WWOX: variants seen among roughly 807,000 people sequenced by gnomAD.
The protein encoded by WWOX is WW domain-containing oxidoreductase.
In WWOX, 69 loss-of-function variants were observed where a neutral mutation model predicts 46.2. That is an observed-to-expected ratio of 1.49 (90% confidence interval 1.23 to 1.82). WWOX has a LOEUF of 1.82. Among genes scored for constraint, WWOX ranks in the 40% most tolerant of loss-of-function variants. The probability of loss-of-function intolerance (pLI) is 0.00; values close to 1 mark genes in which losing one functional copy is unlikely to be tolerated. For missense variants in WWOX, 919 were observed against 542.6 expected (o/e 1.69, Z -6.89); for synonymous variants, 359 against 202.6 (o/e 1.77, Z -6.56).
At chr16:78,865,171 G>GGTT (rs1157491854) in intron 8 of WWOX, among the ~76,000 whole-genome samples, 2 of 152,122 alleles carry the variant, frequency 1.3e-5, no homozygotes, top group Non-Finnish European at 2.9e-5. Flanking sequence ...AAGTGCTAAA[G>GGTT]GTTGTATGTT....
intron 5 of WWOX, among the ~76,000 whole-genome samples, chr16:78,186,848 C>T (rs1301544874): frequency 6.6e-6 from 1 of 152,180 alleles, no homozygotes; most frequent in Admixed American, 6.5e-5. Flanking sequence ...TAGTATTCTT[C>T]ACAAGGGTTC....
chr16:78,652,306 G>GC (rs2142146305), intron 8 of WWOX, among the ~76,000 whole-genome samples: 1 of 150,572 alleles, frequency 6.6e-6, no homozygotes, highest in Admixed American at 6.6e-5. Flanking sequence ...CTACTCGGGA[G>GC]CCTGAGGCAG....
chr16:78,536,096 T>C (rs2043752918), intron 8 of WWOX, among the ~76,000 whole-genome samples: 1 of 152,154 alleles, frequency 6.6e-6, no homozygotes, highest in South Asian at 2.1e-4. Flanking sequence ...GGGCCTTGTA[T>C]ACAGTAAGCA....
intron 8 of WWOX, among the ~76,000 whole-genome samples, chr16:78,882,430 A>G (rs1233884792): frequency 6.6e-6 from 1 of 151,496 alleles, no homozygotes. Flanking sequence ...AAATCATCCT[A>G]AGCTCCACTA....
At chr16:78,820,440 C>G (rs1244001367) in intron 8 of WWOX, among the ~76,000 whole-genome samples, 2 of 152,134 alleles carry the variant, frequency 1.3e-5, no homozygotes, top group Non-Finnish European at 2.9e-5. Context: ...TTTTCCCATC[C>G]TTAAATAAAA....
chr16:78,424,666 C>G (rs1340128786), intron 6 of WWOX, among the ~76,000 whole-genome samples: 2 of 152,154 alleles, frequency 1.3e-5, no homozygotes, highest in East Asian at 1.9e-4. Context: ...GTTGCCCACT[C>G]AAAGCCTTGT....
chr16:78,719,209 A>T (rs1567513396), intron 8 of WWOX, among the ~76,000 whole-genome samples: 1 of 152,214 alleles, frequency 6.6e-6, no homozygotes, highest in Admixed American at 6.5e-5. Context: ...AGAAACAGTC[A>T]GTGCAGGTAA....
chr16:78,462,735 A>G (rs1490559490), intron 8 of WWOX, among the ~76,000 whole-genome samples: 1 of 152,220 alleles, frequency 6.6e-6, no homozygotes, highest in African/African-American at 2.4e-5. Context: ...GGCGTATGTT[A>G]TAGTTACTGT....
Position 78,424,872 on chromosome 16 carries a change from C to T in WWOX, c.608C>T (p.Pro203Leu), listed in dbSNP as rs1405481740. 4.3e-6 allele frequency: 7 copies of T among 1,614,030 alleles called. No individual in the cohort carries two copies. The highest frequency in any genetic ancestry group is 3.3e-4 in the Middle Eastern group (2 of 6,062). Residue 203 changes from proline to leucine, a missense_variant and splice_region_variant, in exon 7 of 9, where the codon CCT becomes CTT. Physicochemically the swap from Pro to Leu is moderately conservative, Grantham distance 98 (BLOSUM62 -3). Transcript: ENST00000566780. The part of the protein sequence containing the change: ...FAEAFKAKNV[P>L]LHVLVCNAAT... Reference sequence around the variant, plus strand: ...ACATGGGATATTTTATTTTTCAGGCCTCTTCATGTGCTTGTGTGCAACGCA... The same window carrying T: ...ACATGGGATATTTTATTTTTCAGGCTTCTTCATGTGCTTGTGTGCAACGCA...
chr16:78,428,444 G>C (rs1241581903), intron 7 of WWOX, among the ~76,000 whole-genome samples: 1 of 152,316 alleles, frequency 6.6e-6, no homozygotes, highest in East Asian at 1.9e-4. Context: ...AGGAGACAGT[G>C]AGGAAGGAAA....
intron 8 of WWOX, among the ~76,000 whole-genome samples, chr16:78,954,902 G>T (rs942576174): frequency 2.6e-5 from 4 of 152,086 alleles, no homozygotes; most frequent in African/African-American, 9.7e-5. Context: ...AGATCCTCCT[G>T]CCTCAGTTTC....
intron 8 of WWOX, among the ~76,000 whole-genome samples, chr16:78,774,517 TGTGTGTGTGTGTGTGC>T (rs1212232186): frequency 2.8e-5 from 3 of 106,136 alleles, no homozygotes; most frequent in African/African-American, 5.7e-5. Context: ...TGTGTGTGTG[TGTGTGTGTGTGTGTGC>T]GCGTGCGCAC....
At chr16:78,277,116 G>T (rs1344991387) in intron 5 of WWOX, among the ~76,000 whole-genome samples, 1 of 152,156 alleles carries the variant, frequency 6.6e-6, no homozygotes, top group African/African-American at 2.4e-5. Flanking sequence ...AGGGCAAAGA[G>T]TTTGCTGTTG....
At position 78,099,680 on chromosome 16, in the gene WWOX, C is replaced by A. The variant is rs539189581; in HGVS notation, c.-99C>A. ...CAGTGCGCAGGCGTGAGCGGTCGGG[C>A]CCCGACGCGCGCGGGTCTCGTTTGG... On this transcript the variant is annotated 5_prime_UTR_variant, in exon 1 of 9. Coordinates refer to ENST00000566780, the MANE Select transcript of WWOX (RefSeq NM_016373.4). 7 of 1,420,930 alleles carry A rather than the reference C, an allele frequency of 4.9e-6. No homozygotes were observed. The highest frequency in any genetic ancestry group is 2.9e-5 in the African/African-American group (2 of 67,846). 88.0% of individuals were successfully genotyped at this position (1,420,930 alleles called of 1,614,324 possible). A position where few individuals can be genotyped will look rare whatever the true frequency, so the allele number is the denominator to read the frequency against.
chr16:78,554,345 C>A (rs939663094), intron 8 of WWOX, among the ~76,000 whole-genome samples: 1 of 152,104 alleles, frequency 6.6e-6, no homozygotes, highest in Non-Finnish European at 1.5e-5. Flanking sequence ...TTATTTATAT[C>A]CTACCGCTCA....
At position 79,093,313 on chromosome 16, in the gene WWOX, C is replaced by T. The variant is rs184668808; in HGVS notation, c.1057-118295C>T. 1.4e-4 allele frequency among the ~76,000 whole-genome samples: 22 copies of T among 152,142 alleles called. 1 individual carries two copies. The highest frequency in any genetic ancestry group is 2.6e-4 in the Admixed American group (4 of 15,290). ...TGTCTATTAATACTGACAGTAGTTG[C>T]GTTTAGGGGATGAGACTCTAAATTT... On this transcript the variant is annotated intron_variant, in intron 8 of 8. Transcript: ENST00000566780.
chr16:78,199,140 C>A (rs910243408), intron 5 of WWOX, among the ~76,000 whole-genome samples: 4 of 152,076 alleles, frequency 2.6e-5, no homozygotes, highest in Non-Finnish European at 5.9e-5. Context: ...GGTGAAACCC[C>A]GTTTCTACTA....
At chr16:78,853,796 A>T (rs1380522554) in intron 8 of WWOX, among the ~76,000 whole-genome samples, 1 of 152,170 alleles carries the variant, frequency 6.6e-6, no homozygotes, top group African/African-American at 2.4e-5. Context: ...AAGAGATGCC[A>T]TAAGCAGTCC....
intron 5 of WWOX, among the ~76,000 whole-genome samples, chr16:78,174,017 T>G (rs1164502551): frequency 6.6e-6 from 1 of 152,034 alleles, no homozygotes; most frequent in Non-Finnish European, 1.5e-5. Context: ...CACTAATCCC[T>G]TCATGAGGAT....
Sources: gnomAD v4.1 joint callset for allele counts (sites outside exome capture counted in the v4.1 genomes callset) on GRCh38, gnomAD v4.1.1 for gene constraint, MANE v1.5 for transcripts, NCBI Gene and HGNC (gene_info 2026-07-23, HGNC 2026-07-21) for gene names.